The following AMD1 variants were observed in gnomAD, a reference collection of about 807,000 sequenced individuals.
AMD1 encodes adenosylmethionine decarboxylase 1, also known as S-adenosylmethionine decarboxylase proenzyme.
A neutral mutation model predicts 40.2 loss-of-function variants in AMD1; 11 were observed. That is an observed-to-expected ratio of 0.27 (90% CI 0.17 to 0.45). The LOEUF is 0.45. Among genes scored for constraint, AMD1 ranks in the 20% least tolerant of loss-of-function variants. The pLI, the probability that AMD1 is intolerant of heterozygous loss-of-function variation, is 1.00. For missense variants in AMD1, 257 were observed against 410.2 expected (o/e 0.63, Z 3.23); for synonymous variants, 121 against 130.8 (o/e 0.93, Z 0.51).
At chr6:110,839,622 AAAAT>A in the AMD1 span, among the ~76,000 whole-genome samples, 2 of 152,186 alleles carry the variant, frequency 1.3e-5, no homozygotes, top group African/African-American at 4.8e-5. Context: ...CTCAATCTAA[AAAAT>A]AAATAAATAA....
the AMD1 span, among the ~76,000 whole-genome samples, chr6:110,860,697 G>A: frequency 6.6e-6 from 1 of 152,008 alleles, no homozygotes; most frequent in African/African-American, 2.4e-5. Context: ...CTATTTGGGA[G>A]GCTGAGGTAG....
At chr6:110,878,518 G>GTCCA (rs1785230129) in intron 1 of AMD1, among the ~76,000 whole-genome samples, 1 of 152,200 alleles carries the variant, frequency 6.6e-6, no homozygotes, top group East Asian at 1.9e-4. Flanking sequence ...AAAAGCAGCA[G>GTCCA]TCCAGGTATA....
At chr6:110,824,566 T>C in the AMD1 span, among the ~76,000 whole-genome samples, 1 of 152,228 alleles carries the variant, frequency 6.6e-6, no homozygotes, top group East Asian at 1.9e-4. Flanking sequence ...TCCTAAAAAC[T>C]ATTGAAATTT....
upstream of AMD1, among the ~76,000 whole-genome samples, chr6:110,873,863 G>A (rs1784966276): frequency 6.6e-6 from 1 of 152,136 alleles, no homozygotes; most frequent in African/African-American, 2.4e-5. Context: ...GTAAATTTTG[G>A]GGGGTAAGGA....
the AMD1 span, among the ~76,000 whole-genome samples, chr6:110,823,355 A>G: frequency 2.0e-5 from 3 of 152,210 alleles, no homozygotes; most frequent in African/African-American, 7.2e-5. Context: ...TACTCAACGT[A>G]GTACTGGAAG....
chr6:110,876,206 G>A (rs1785102921), intron 1 of AMD1, among the ~76,000 whole-genome samples: 1 of 152,260 alleles, frequency 6.6e-6, no homozygotes, highest in African/African-American at 2.4e-5. Flanking sequence ...TAAAAGCCCA[G>A]AGATCCCGTG....
rs1554238005 is a variant in AMD1 at position 110,892,726 on chromosome 6, C to CCT, written c.616-8_616-7insTC. On this transcript the variant is annotated splice_polypyrimidine_tract_variant and intron_variant, in intron 6 of 8. Coordinates refer to ENST00000368885, the MANE Select transcript of AMD1 (RefSeq NM_001634.6). ...ACCCTTGTTAAACTCGGTCTTTTTC[C>CCT]CCCCCCAGGAGAGTGGAATTCGTGA... The CCT allele has an allele frequency of 7.5e-6, 12 of 1,606,378 alleles. No individual in the cohort carries two copies. The highest frequency in any genetic ancestry group is 1.3e-5 in the African/African-American group (1 of 74,722).
chr6:110,880,323 G>A (rs1471916730), intron 1 of AMD1, among the ~76,000 whole-genome samples: 2 of 151,982 alleles, frequency 1.3e-5, no homozygotes, highest in African/African-American at 4.8e-5. Flanking sequence ...TATTCTGTAG[G>A]TTGTCTTTTC....
the AMD1 span, chr6:110,858,176 A>G: frequency 1.6e-6 from 1 of 643,978 alleles, no homozygotes; most frequent in Non-Finnish European, 2.9e-6. Flanking sequence ...AGTGCGTCCC[A>G]GCCCCGCGCC....
chr6:110,864,838 G>A, the AMD1 span, among the ~76,000 whole-genome samples: 12 of 152,286 alleles, frequency 7.9e-5, no homozygotes, highest in Admixed American at 2.0e-4. Flanking sequence ...GCCAAAATGC[G>A]TTTATAAAAT....
At chr6:110,858,951 A>G in the AMD1 span, 42 of 1,049,700 alleles carry the variant, frequency 4.0e-5, 3 homozygotes, top group South Asian at 5.0e-4. Context: ...CAAGTGTGAC[A>G]ACTCCTCCAT....
rs1473169304 is a variant in AMD1 at position 110,894,156 on chromosome 6, T to A, written c.*540T>A. 6.5e-6 allele frequency: 1 copy of A among 152,814 alleles called. No homozygotes were observed. Among genetic ancestry groups the A allele is most frequent in the Admixed American group, 6.5e-5 (1 of 15,310 alleles). The allele number at this position is 152,814 out of a possible 1,614,324, so 9.5% of individuals were successfully genotyped here. A position where few individuals can be genotyped will look rare whatever the true frequency, so the allele number is the denominator to read the frequency against. ...ATGTTTTTGGAAACAGCAATTAAAG[T>A]TTTTCTTCCATGAGTTGAGTCCTTA... On this transcript the variant is annotated 3_prime_UTR_variant, in exon 9 of 9. Transcript: ENST00000368885.
rs1452869989 is a variant in AMD1 at position 110,893,919 on chromosome 6, C to A, written c.*303C>A. 3.2e-6 allele frequency: 1 copy of A among 309,418 alleles called. No individual in the cohort carries two copies. The highest frequency in any genetic ancestry group is 6.2e-6 in the Non-Finnish European group (1 of 160,520). 19.2% of individuals were successfully genotyped at this position (309,418 alleles called of 1,614,324 possible). On this transcript the variant is annotated 3_prime_UTR_variant, in exon 9 of 9. Transcript: ENST00000368885. ...AACTTTACAACACTTGTGAAAGCAACTCAATTTGGTTTATGCACAGTGTAA... is the reference window on the plus strand; with the variant it reads ...AACTTTACAACACTTGTGAAAGCAAATCAATTTGGTTTATGCACAGTGTAA...
the AMD1 span, among the ~76,000 whole-genome samples, chr6:110,864,799 GCCCTTAACC>G: frequency 6.6e-6 from 1 of 152,202 alleles, no homozygotes; most frequent in Non-Finnish European, 1.5e-5. Flanking sequence ...AGGGGCCCCT[GCCCTTAACC>G]TGGCTTGTCA....
chr6:110,823,535 G>A, the AMD1 span, among the ~76,000 whole-genome samples: 1 of 152,236 alleles, frequency 6.6e-6, no homozygotes, highest in Non-Finnish European at 1.5e-5. Context: ...CAAAATAAAT[G>A]CACACAAATC....
intron 1 of AMD1, among the ~76,000 whole-genome samples, chr6:110,886,365 T>C (rs1421404846): frequency 2.0e-5 from 3 of 152,152 alleles, no homozygotes; most frequent in African/African-American, 7.2e-5. Context: ...ACTCCTGAGC[T>C]TAAGCCATCC....
chr6:110,826,271 C>CAA, the AMD1 span, among the ~76,000 whole-genome samples: 162 of 59,142 alleles, frequency 2.7e-3, 1 homozygote, highest in African/African-American at 6.9e-3. Context: ...GACACCATCC[C>CAA]AAAAAAAAAA....
intron 1 of AMD1, among the ~76,000 whole-genome samples, 155 bp from the exon 2 acceptor site, chr6:110,887,350 G>C (rs879325547): frequency 8.6e-5 from 13 of 151,930 alleles, no homozygotes; most frequent in Admixed American, 2.0e-4. Context: ...ATTTATCTGG[G>C]TGTGTCAATA....
chr6:110,876,505 C>A (rs962200084), intron 1 of AMD1, among the ~76,000 whole-genome samples: 1 of 152,188 alleles, frequency 6.6e-6, no homozygotes, highest in Non-Finnish European at 1.5e-5. Context: ...CAGGCAGACA[C>A]GTGCTACCGA....
Sources: gnomAD v4.1 joint callset for allele counts (sites outside exome capture counted in the v4.1 genomes callset) on GRCh38, gnomAD v4.1.1 for gene constraint, MANE v1.5 for transcripts, NCBI Gene and HGNC (gene_info 2026-07-23, HGNC 2026-07-21) for gene names.